GREP1: variants seen among roughly 807,000 people sequenced by gnomAD.
GREP1 encodes glycine rich extracellular protein 1, also known as glycine-rich extracellular protein 1.
At chr16:2,996,412 C>G (rs948305616) in intron 18 of GREP1, 84 bp from the exon 18 acceptor site, 15 of 398,280 alleles carry the variant, frequency 3.8e-5, no homozygotes, top group Non-Finnish European at 6.2e-5. Flanking sequence ...GGGCCCTGGG[C>G]CCCCGCCCTG....
At chr16:2,995,346 C>A (rs990485159) in intron 14 of GREP1, 30 bp downstream of exon 15, 17 of 398,878 alleles carry the variant, frequency 4.3e-5, no homozygotes, top group Admixed American at 2.6e-4. Context: ...GCTTCTGTCT[C>A]CCCAGTGTTC....
chr16:2,994,755 G>A, intron 11 of GREP1, 28 bp downstream of exon 12: 1 of 399,116 alleles, frequency 2.5e-6, no homozygotes, highest in Non-Finnish European at 4.4e-6. Context: ...GTTTGGGGAG[G>A]CCCAGAGCTG....
At position 2,990,919 on chromosome 16, in the gene GREP1, G is replaced by A. The variant is rs1352536801; in HGVS notation, c.269-129G>A. ...TCTCTTCCCAGGCTTTGGAGGGGCT[G>A]AGAAGCCCCAGAAGCCAGAGGCGAG... On this transcript the variant is annotated intron_variant, in intron 7 of 34. Coordinates refer to ENST00000573315, the Ensembl canonical transcript of GREP1. 1.3e-5 allele frequency: 5 copies of A among 398,434 alleles called. No homozygotes were observed. In the Admixed American group the frequency reaches 2.2e-4, roughly 18 times the overall value. 24.7% of individuals were successfully genotyped at this position (398,434 alleles called of 1,614,324 possible). A position where few individuals can be genotyped will look rare whatever the true frequency, so the allele number is the denominator to read the frequency against.
At chr16:2,988,710 C>T (rs917860023) in intron 2 of GREP1, 88 bp downstream of exon 2, 10 of 398,674 alleles carry the variant, frequency 2.5e-5, no homozygotes, top group East Asian at 1.4e-4. Flanking sequence ...ACTCCCGATG[C>T]GGGGCCCAGG....
intron 2 of GREP1, chr16:2,988,995 C>A: frequency 3.5e-6 from 1 of 282,292 alleles, no homozygotes; most frequent in Non-Finnish European, 6.6e-6. Flanking sequence ...ATGGAAGAGT[C>A]TTTACTTCAG....
In GREP1 at chr16:2,995,784, C is replaced by A; in HGVS notation, c.622+13C>A. ...CCTCTGAAGCCAGGTGAGCCCCGCC[C>A]GCCCTGGTCTGCCTCTCTATGCACG... On this transcript the variant is annotated intron_variant, in intron 17 of 34. Transcript: ENST00000573315. 3 of 398,664 alleles carry A rather than the reference C, an allele frequency of 7.5e-6. No homozygotes were observed. Among genetic ancestry groups the A allele is most frequent in the Non-Finnish European group, 1.3e-5 (3 of 226,110 alleles). The allele number at this position is 398,664 out of a possible 1,614,324, so 24.7% of individuals were successfully genotyped here.
At position 2,997,837 on chromosome 16, in the gene GREP1, T is replaced by C. The variant is rs952053359; in HGVS notation, c.949+2T>C. On this transcript the variant is annotated splice_donor_variant, in intron 23 of 34. Transcript: ENST00000573315. LOFTEE classifies it high-confidence loss of function. ...AGGGCATGAAACCTCAGAAGCCAGG[T>C]AAGCCCTTCCCACTCCTCACTCTCC... The C allele has an allele frequency of 1.1e-4, 45 of 398,380 alleles. No homozygotes were observed. The highest frequency in any genetic ancestry group is 1.6e-4 in the Non-Finnish European group (36 of 226,102). The allele number at this position is 398,380 out of a possible 1,614,324, so 24.7% of individuals were successfully genotyped here.
rs1050243158 is a variant in GREP1 at position 3,001,658 on chromosome 16, C to T, written c.*72C>T. 4 of 399,012 alleles carry T rather than the reference C, an allele frequency of 1.0e-5. No individual in the cohort carries two copies. In the East Asian group the frequency reaches 1.1e-4, roughly 11 times the overall value. The allele number at this position is 399,012 out of a possible 1,614,324, so 24.7% of individuals were successfully genotyped here. A position where few individuals can be genotyped will look rare whatever the true frequency, so the allele number is the denominator to read the frequency against. Reference sequence around the variant, plus strand: ...GGCTTGGCCTCTGGTGCTGCCTGGCCGGGGGTCTCCTCCATGCTAGAACCA... The same window carrying T: ...GGCTTGGCCTCTGGTGCTGCCTGGCTGGGGGTCTCCTCCATGCTAGAACCA... On this transcript the variant is annotated 3_prime_UTR_variant, in exon 35 of 35. Coordinates refer to ENST00000573315, the Ensembl canonical transcript of GREP1.
intron 7 of GREP1, 53 bp downstream of exon 6, chr16:2,990,640 C>T (rs549707394): frequency 7.9e-4 from 315 of 399,162 alleles, no homozygotes; most frequent in African/African-American, 5.7e-3. Context: ...GGTGCCTAAT[C>T]TTTGCCTGAT....
intron 20 of GREP1, 156 bp from the exon 20 acceptor site, chr16:2,996,897 T>A: frequency 2.5e-6 from 1 of 399,346 alleles, no homozygotes; most frequent in Non-Finnish European, 4.4e-6. Context: ...CCTGCCTCCC[T>A]GTCCCCCAGT....
intron 7 of GREP1, among the ~76,000 whole-genome samples, 154 bp from the exon 7 acceptor site, chr16:2,990,894 T>C (rs939406939): frequency 1.3e-5 from 2 of 152,008 alleles, no homozygotes; most frequent in Non-Finnish European, 2.9e-5. Context: ...TCTGCCCATC[T>C]CTCTTCCCAG....
chr16:3,000,302 T>C, exon 30 of GREP1: 1 of 399,272 alleles, frequency 2.5e-6, no homozygotes, highest in Non-Finnish European at 4.4e-6. Context: ...GTTTAGGTTA[T>C]GGGAATGGTG....
At chr16:2,997,061 G>A in exon 21 of GREP1, 2 of 399,160 alleles carry the variant, frequency 5.0e-6, no homozygotes, top group Non-Finnish European at 8.8e-6. Context: ...AGGCTATTTG[G>A]GGGTTATGAA....
In GREP1 at chr16:2,992,693, G is replaced by C. The variant is rs953001084; in HGVS notation, c.323-112G>C. 5.0e-6 allele frequency: 2 copies of C among 396,994 alleles called. No individual in the cohort carries two copies. The highest frequency in any genetic ancestry group is 4.4e-6 in the Non-Finnish European group (1 of 225,376). The allele number at this position is 396,994 out of a possible 1,614,324, so 24.6% of individuals were successfully genotyped here. A position where few individuals can be genotyped will look rare whatever the true frequency, so the allele number is the denominator to read the frequency against. On this transcript the variant is annotated intron_variant, in intron 8 of 34. Coordinates refer to ENST00000573315, the Ensembl canonical transcript of GREP1. This position sits in a 1 kb window ranked among gnomAD's most constrained non-coding sequence, Gnocchi z 4.9. ...CCTGGGAGGGAGTTCACACAAGACA[G>C]AAAGGCAGAGGGCAGGGGTCACGCG...
intron 29 of GREP1, 161 bp downstream of exon 26, chr16:3,000,279 C>G (rs1336561259): frequency 5.0e-6 from 2 of 399,270 alleles, no homozygotes; most frequent in African/African-American, 4.1e-5. Flanking sequence ...CCTCTCCAAT[C>G]TCTGTCCTGC....
exon 35 of GREP1, chr16:3,002,000 G>A (rs1296943024): frequency 5.6e-6 from 1 of 180,028 alleles, no homozygotes; most frequent in African/African-American, 2.3e-5. Flanking sequence ...TATTAAAGTT[G>A]TTAGATAAAA....
rs1242541913 is a variant in GREP1 at position 2,991,128 on chromosome 16, C to G, written c.322+27C>G. Reference sequence around the variant, plus strand: ...TGAGGAAACGTCGGGTGTGGCAGGACCTGGGCTTCCAGGAGGGAGGGGGAA... The same window carrying G: ...TGAGGAAACGTCGGGTGTGGCAGGAGCTGGGCTTCCAGGAGGGAGGGGGAA... On this transcript the variant is annotated intron_variant, in intron 8 of 34. Transcript: ENST00000573315. The surrounding 1 kb of genome is among the most constrained non-coding windows in gnomAD (Gnocchi z 4.9). 13 of 399,084 alleles carry G rather than the reference C, an allele frequency of 3.3e-5. No homozygotes were observed. Among genetic ancestry groups the G allele is most frequent in the Non-Finnish European group, 4.4e-5 (10 of 226,288 alleles). 24.7% of individuals were successfully genotyped at this position (399,084 alleles called of 1,614,324 possible).
chr16:3,001,373 G>A, intron 34 of GREP1, 39 bp downstream of exon 28: 1 of 399,100 alleles, frequency 2.5e-6, no homozygotes, highest in Non-Finnish European at 4.4e-6. Context: ...CCTGCCCAAA[G>A]GCCCCCCGTG....
intron 30 of GREP1, chr16:3,000,362 G>A (rs1200401900): frequency 2.5e-6 from 1 of 399,224 alleles, no homozygotes; most frequent in Admixed American, 4.4e-5. Flanking sequence ...CAGGTGCCTG[G>A]GGAGCAGGGG....
Sources: gnomAD v4.1 joint callset for allele counts (sites outside exome capture counted in the v4.1 genomes callset) on GRCh38, gnomAD v4.1.1 for gene constraint, Gnocchi (gnomAD v3.1) non-coding constraint, MANE v1.5 for transcripts, NCBI Gene and HGNC (gene_info 2026-07-23, HGNC 2026-07-21) for gene names.